The following LIN28B variants were observed in gnomAD, a reference collection of about 807,000 sequenced individuals.
LIN28B encodes the protein lin-28 RNA binding posttranscriptional regulator B, also known as protein lin-28 homolog B.
A neutral mutation model predicts 21.9 loss-of-function variants in LIN28B; 5 were observed. That is an observed-to-expected ratio of 0.23 (90% CI 0.12 to 0.48). The LOEUF (loss-of-function observed/expected upper bound fraction) is 0.48, where lower values mean the gene tolerates loss of function less well. Ranked by LOEUF, LIN28B falls within the 20% of genes least tolerant of loss-of-function variation. The pLI is 0.98. For synonymous variants in LIN28B, 109 were observed against 111.3 expected (o/e 0.98, Z 0.13); for missense variants, 245 against 310.5 (o/e 0.79, Z 1.58).
rs141891088 is a variant in LIN28B, at chr6:105,027,755, A to G, written c.383+1273A>G. Among the ~76,000 whole-genome samples, 988 of 152,186 alleles carry G rather than the reference A, an allele frequency of 6.5e-3. 9 individuals are homozygous for G. The highest frequency in any genetic ancestry group is 0.023 in the African/African-American group (947 of 41,546). ...TTTTTAGTATTATTTTAGTTAATTT[A>G]TATTTTACACTTAAGTATCTCTTCT... is the stretch of plus-strand genomic sequence containing the variant. On this transcript the variant is annotated intron_variant, in intron 3 of 3. Transcript: ENST00000345080.
At chr6:104,967,506 G>A (rs1305189035) in intron 2 of LIN28B, among the ~76,000 whole-genome samples, 3 of 147,542 alleles carry the variant, frequency 2.0e-5, no homozygotes, top group African/African-American at 5.0e-5. Context: ...ACTTGAACCC[G>A]GGAGGTGGAG....
chr6:105,026,271 T>TC lies in LIN28B; in HGVS notation c.199-22dup, dbSNP rs747417472. The TC allele has an allele frequency of 6.0e-6, 8 of 1,338,424 alleles. No individual in the cohort carries two copies. In the East Asian group the frequency reaches 1.4e-4, roughly 24 times the overall value. The allele number at this position is 1,338,424 out of a possible 1,614,324, so 82.9% of individuals were successfully genotyped here. The stretch of plus-strand genomic sequence containing the variant: ...ATGATAATTTTAATCTCTCTTTTTC[T>TC]CCCCCACCCTCTTCTGCTCTTTACA... On this transcript the variant is annotated intron_variant, in intron 2 of 3. Transcript: ENST00000345080.
intron 2 of LIN28B, among the ~76,000 whole-genome samples, chr6:104,973,417 T>G (rs1031731868): frequency 6.6e-6 from 1 of 152,208 alleles, no homozygotes; most frequent in African/African-American, 2.4e-5. Flanking sequence ...ATTGGTGCTT[T>G]ATGCTGTCCC....
chr6:104,998,388 C>T (rs1770655147), intron 2 of LIN28B, among the ~76,000 whole-genome samples: 1 of 152,044 alleles, frequency 6.6e-6, no homozygotes, highest in Admixed American at 6.6e-5. Context: ...TAACAATGAG[C>T]TTATTCCAAA....
At chr6:104,944,449 A>G (rs1203380515) in intron 2 of LIN28B, among the ~76,000 whole-genome samples, 2 of 152,146 alleles carry the variant, frequency 1.3e-5, no homozygotes, top group Non-Finnish European at 2.9e-5. Context: ...CACTATCAAA[A>G]CCAACATCAA....
intron 2 of LIN28B, among the ~76,000 whole-genome samples, chr6:105,016,692 A>C (rs1486733044): frequency 6.6e-6 from 1 of 152,128 alleles, no homozygotes; most frequent in Non-Finnish European, 1.5e-5. Context: ...GCTATGTTTC[A>C]GGGATGGTTT....
chr6:105,045,424 T>A (rs1771735886), intron 3 of LIN28B: 2 of 151,752 alleles, frequency 1.3e-5, no homozygotes, highest in South Asian at 4.2e-4. Context: ...GTAGCTGGGA[T>A]AAAGACATGC....
intron 2 of LIN28B, among the ~76,000 whole-genome samples, chr6:105,000,142 G>C (rs1056248014): frequency 2.9e-5 from 4 of 139,464 alleles, no homozygotes; most frequent in Non-Finnish European, 4.8e-5. Flanking sequence ...GGCACATTTG[G>C]CTGCTAAAAC....
intron 3 of LIN28B, among the ~76,000 whole-genome samples, chr6:105,070,592 C>CCACACACACACACACACACACACA (rs752057191): frequency 0.01 from 956 of 92,192 alleles, 60 homozygotes; most frequent in South Asian, 0.013. Context: ...ATCAATAAAA[C>CCACACACACACACACACACACACA]CACACACACA....
In LIN28B at chr6:105,079,290, T is replaced by C. The variant is rs150421099; in HGVS notation, c.*507T>C. On this transcript the variant is annotated 3_prime_UTR_variant, in exon 4 of 4. Transcript: ENST00000345080. ...GTTACCTTTTGTGTGAACCAAAGGA[T>C]ACTTCAGATCTCAGAGCTGCCAATT... is the stretch of plus-strand genomic sequence containing the variant. 43 of 152,938 alleles carry C rather than the reference T, an allele frequency of 2.8e-4. No individual in the cohort carries two copies. The East Asian group carries it at 3.5e-3, about 12-fold the overall frequency. The allele number at this position is 152,938 out of a possible 1,614,324, so 9.5% of individuals were successfully genotyped here. A position where few individuals can be genotyped will look rare whatever the true frequency, so the allele number is the denominator to read the frequency against.
At position 104,979,529 on chromosome 6, in the gene LIN28B, C is replaced by T. The variant is rs148690679; in HGVS notation, c.198+21243C>T. On this transcript the variant is annotated intron_variant, in intron 2 of 3. Coordinates refer to ENST00000345080, the MANE Select transcript of LIN28B (RefSeq NM_001004317.4). ...AGCCAAAGATGATTTTTAAAATCAC[C>T]CATTATTCTATCACTCAGAGATAAC... Among the ~76,000 whole-genome samples the T allele has an allele frequency of 2.1e-3, 316 of 151,860 alleles. 2 individuals are homozygous for T. Among genetic ancestry groups the T allele is most frequent in the African/African-American group, 7.0e-3 (291 of 41,414 alleles).
At chr6:104,971,503 G>A (rs1410021031) in intron 2 of LIN28B, among the ~76,000 whole-genome samples, 2 of 152,166 alleles carry the variant, frequency 1.3e-5, no homozygotes, top group East Asian at 1.9e-4. Flanking sequence ...TTCATTTTTA[G>A]TAGTGTTTTG....
At chr6:105,065,753 A>G (rs530553502) in intron 3 of LIN28B, among the ~76,000 whole-genome samples, 1 of 152,354 alleles carries the variant, frequency 6.6e-6, no homozygotes, top group South Asian at 2.1e-4. Context: ...TGGTTAAATC[A>G]TACCAGGCAC....
At position 104,996,657 on chromosome 6, in the gene LIN28B, C is replaced by T. The variant is rs112928155; in HGVS notation, c.199-29641C>T. Among the ~76,000 whole-genome samples, 124 of 152,076 alleles carry T rather than the reference C, an allele frequency of 8.2e-4. 2 individuals carry two copies. In the East Asian group the frequency reaches 0.017, roughly 21 times the overall value. ...GTAGTAAAGTAAGGAAAAACCAGGT[C>T]GTATATGGTTTTAATTGATAAACTT... is the stretch of plus-strand genomic sequence containing the variant. On this transcript the variant is annotated intron_variant, in intron 2 of 3. Transcript: ENST00000345080.
At chr6:104,956,699 T>C (rs549269914), upstream of LIN28B, among the ~76,000 whole-genome samples, 9 of 152,178 alleles carry the variant, frequency 5.9e-5, no homozygotes, top group Non-Finnish European at 7.3e-5. Context: ...AGCTGAATTC[T>C]TAAGGGGAAA....
At chr6:104,977,304 A>G (rs1421251038) in intron 2 of LIN28B, among the ~76,000 whole-genome samples, 3 of 152,068 alleles carry the variant, frequency 2.0e-5, no homozygotes, top group Admixed American at 6.6e-5. Flanking sequence ...ATTCCTTCCT[A>G]CATTCACTTT....
At chr6:104,978,159 C>T (rs1770142619) in intron 2 of LIN28B, among the ~76,000 whole-genome samples, 1 of 152,194 alleles carries the variant, frequency 6.6e-6, no homozygotes, top group Non-Finnish European at 1.5e-5. Flanking sequence ...TACTGCCCCC[C>T]ACCTTCTTTT....
At chr6:105,074,241 A>G (rs1390228937) in intron 3 of LIN28B, among the ~76,000 whole-genome samples, 1 of 152,164 alleles carries the variant, frequency 6.6e-6, no homozygotes, top group Non-Finnish European at 1.5e-5. Context: ...TCTGTCGCCC[A>G]GGCTGGAGTG....
intron 2 of LIN28B, among the ~76,000 whole-genome samples, chr6:105,008,474 C>G (rs748250983): frequency 1.3e-5 from 2 of 151,998 alleles, no homozygotes; most frequent in Non-Finnish European, 2.9e-5. Flanking sequence ...GAAACCCCGT[C>G]TCTATTAAAA....
Sources: gnomAD v4.1 joint callset for allele counts (sites outside exome capture counted in the v4.1 genomes callset) on GRCh38, gnomAD v4.1.1 for gene constraint, MANE v1.5 for transcripts, NCBI Gene and HGNC (gene_info 2026-07-23, HGNC 2026-07-21) for gene names.